CACNA1E: variants seen among roughly 807,000 people sequenced by gnomAD.
CACNA1E encodes voltage-dependent R-type calcium channel subunit alpha-1E.
In CACNA1E, 40 loss-of-function variants were observed where a neutral mutation model predicts 259.2. The ratio of observed to expected loss-of-function variants is 0.15; its 90% CI spans 0.12 to 0.20. CACNA1E has a LOEUF of 0.20. Among genes scored for constraint, CACNA1E ranks in the 10% least tolerant of loss-of-function variants. The pLI is 1.00. For missense variants in CACNA1E, 1,874 were observed against 3,040.1 expected, an observed-to-expected ratio of 0.62 and a Z score of 9.02; for synonymous variants, 1,104 against 1,138.5, an observed-to-expected ratio of 0.97 and a Z score of 0.61.
intron 1 of CACNA1E, among the ~76,000 whole-genome samples, chr1:181,330,972 G>C (rs940056140): frequency 6.6e-6 from 1 of 152,194 alleles, no homozygotes; most frequent in African/African-American, 2.4e-5. Flanking sequence ...TGGGAAGGGA[G>C]GAGGGCAGGG....
chr1:181,719,920 TG>T, intron 13 of CACNA1E, 57 bp downstream of exon 13: 4 of 1,013,682 alleles, frequency 3.9e-6, no homozygotes, highest in Non-Finnish European at 6.0e-6. Flanking sequence ...ACCTTTTTTC[TG>T]CCTTATATTT....
In CACNA1E at chr1:181,425,426, C is replaced by T. The variant is rs550717967; in HGVS notation, c.434+11846C>T. Among the ~76,000 whole-genome samples the T allele has an allele frequency of 2.6e-5, 4 of 152,188 alleles. No individual in the cohort carries two copies. In the East Asian group the frequency reaches 7.7e-4, roughly 29 times the overall value. ...GTGAGGGGATGGGTGAAGACACGTG[C>T]AGAAAAGGAAGTGCTCATTGTGGAG... On this transcript the variant is annotated intron_variant, in intron 2 of 11. Transcript: ENST00000524607.
In CACNA1E at chr1:181,664,968, C is replaced by T. The variant is rs368751482; in HGVS notation, c.1055+13527C>T. 1.6e-4 allele frequency among the ~76,000 whole-genome samples: 24 copies of T among 152,254 alleles called. No homozygotes were observed. In the South Asian group the frequency reaches 3.5e-3, roughly 22 times the overall value. On this transcript the variant is annotated intron_variant, in intron 7 of 47. Coordinates refer to ENST00000367573, the MANE Select transcript of CACNA1E (RefSeq NM_001205293.3). Reference sequence around the variant, plus strand: ...ATTAGATTGGGACTTCATTAGGTGCCTTTTTGGATATGAAGACAATAACCA... The same window carrying T: ...ATTAGATTGGGACTTCATTAGGTGCTTTTTTGGATATGAAGACAATAACCA...
In CACNA1E at chr1:181,789,648, T is replaced by C. The variant is rs574071048; in HGVS notation, c.5787-797T>C. On this transcript the variant is annotated intron_variant, in intron 43 of 47. Coordinates refer to ENST00000367573, the MANE Select transcript of CACNA1E (RefSeq NM_001205293.3). ...AGCCAATAATTTGGCAACAGGCACC[T>C]CATTCTCCAGAAAGCTTGGCTGCTT... 8.5e-5 allele frequency among the ~76,000 whole-genome samples: 13 copies of C among 152,322 alleles called. No individual in the cohort carries two copies. The East Asian group carries it at 2.5e-3, about 29-fold the overall frequency.
Position 181,369,550 on chromosome 1 carries a change from C to T in CACNA1E, c.-14-43583C>T, listed in dbSNP as rs535446465. Reference sequence around the variant, plus strand: ...ATACATAGGCCTCAAAGGTGGGGACCGCATACCAGGAGACATTTTTTTAGC... The same window carrying T: ...ATACATAGGCCTCAAAGGTGGGGACTGCATACCAGGAGACATTTTTTTAGC... On this transcript the variant is annotated intron_variant, in intron 1 of 11. Coordinates refer to the CACNA1E transcript ENST00000524607. Among the ~76,000 whole-genome samples, 271 of 152,260 alleles carry T rather than the reference C, an allele frequency of 1.8e-3. 1 individual carries two copies. Among genetic ancestry groups the T allele is most frequent in the African/African-American group, 6.2e-3 (256 of 41,536 alleles).
intron 6 of CACNA1E, among the ~76,000 whole-genome samples, chr1:181,622,848 G>T (rs749704934): frequency 3.3e-5 from 5 of 152,120 alleles, no homozygotes; most frequent in Non-Finnish European, 7.3e-5. Context: ...GGATCCAGAA[G>T]ATGCAAGGGA....
chr1:181,590,671 C>G (rs1214736795), intron 6 of CACNA1E, among the ~76,000 whole-genome samples: 1 of 152,038 alleles, frequency 6.6e-6, no homozygotes, highest in East Asian at 1.9e-4. Flanking sequence ...TTCCTCACCC[C>G]AGGAGCTGGT....
At chr1:181,650,639 T>C (rs1658672281) in intron 6 of CACNA1E, among the ~76,000 whole-genome samples, 1 of 152,242 alleles carries the variant, frequency 6.6e-6, no homozygotes, top group African/African-American at 2.4e-5. Flanking sequence ...TCTTCCTCAA[T>C]CCCTGACCAT....
At chr1:181,532,325 A>T (rs1667847700) in intron 3 of CACNA1E, among the ~76,000 whole-genome samples, 1 of 152,186 alleles carries the variant, frequency 6.6e-6, no homozygotes. Flanking sequence ...TTCCTGGACA[A>T]TTAGCAAAGT....
At chr1:181,708,667 T>C (rs1007597691) in intron 7 of CACNA1E, among the ~76,000 whole-genome samples, 23 of 152,220 alleles carry the variant, frequency 1.5e-4, no homozygotes, top group African/African-American at 4.8e-4. Flanking sequence ...ATGAAGGACT[T>C]GGGCTCTTAC....
At position 181,776,553 on chromosome 1, in the gene CACNA1E, C is replaced by A. The variant is rs1419466117; in HGVS notation, c.5267+325C>A. Among the ~76,000 whole-genome samples, 1 of 152,222 alleles carries A rather than the reference C, an allele frequency of 6.6e-6. No individual in the cohort carries two copies. The highest frequency in any genetic ancestry group is 2.4e-5 in the African/African-American group (1 of 41,458). The stretch of plus-strand genomic sequence containing the variant: ...TTTTTCTGCCAATGGTTAGTGGACT[C>A]CTTTGAGTTATCAGGGGGTTTGACA... On this transcript the variant is annotated intron_variant, in intron 38 of 47. Coordinates refer to ENST00000367573, the MANE Select transcript of CACNA1E (RefSeq NM_001205293.3). The surrounding 1 kb of genome is among the most constrained non-coding windows in gnomAD (Gnocchi z 4.4).
At chr1:181,480,201 T>A (rs906293408), upstream of CACNA1E, among the ~76,000 whole-genome samples, 2 of 152,158 alleles carry the variant, frequency 1.3e-5, no homozygotes, top group African/African-American at 2.4e-5. Flanking sequence ...TAGAAATTCA[T>A]AGATCTCAAA....
chr1:181,729,546 A>G (rs760600835), intron 18 of CACNA1E, among the ~76,000 whole-genome samples: 1 of 152,224 alleles, frequency 6.6e-6, no homozygotes, highest in Non-Finnish European at 1.5e-5. Context: ...CCTCAGAGAG[A>G]AAACCACTCC....
chr1:181,532,266 C>T lies in CACNA1E; in HGVS notation c.512+20756C>T, dbSNP rs750879599. On this transcript the variant is annotated intron_variant, in intron 3 of 47. Transcript: ENST00000367573. ...ATGTGTTAATACAGTCAGTTGTTTG[C>T]ATGACACAGATTTCTTTTCAATCAG... Among the ~76,000 whole-genome samples, 108 of 152,220 alleles carry T rather than the reference C, an allele frequency of 7.1e-4. 2 individuals are homozygous for T. Among genetic ancestry groups the T allele is most frequent in the Non-Finnish European group, 8.8e-5 (6 of 68,038 alleles).
At chr1:181,384,005 G>A (rs1240073297) in intron 1 of CACNA1E, among the ~76,000 whole-genome samples, 2 of 152,226 alleles carry the variant, frequency 1.3e-5, no homozygotes, top group African/African-American at 2.4e-5. Flanking sequence ...TGTGCTCACT[G>A]AGCGCTGGAA....
chr1:181,612,284 A>G (rs577650683), intron 6 of CACNA1E, among the ~76,000 whole-genome samples: 1 of 152,326 alleles, frequency 6.6e-6, no homozygotes, highest in South Asian at 2.1e-4. Flanking sequence ...GCCACTGACT[A>G]TCTCAGTCAC....
At chr1:181,679,133 G>A (rs924575750) in intron 7 of CACNA1E, among the ~76,000 whole-genome samples, 5 of 152,180 alleles carry the variant, frequency 3.3e-5, no homozygotes, top group African/African-American at 1.2e-4. Context: ...TAATAGATAG[G>A]GAGTAGAGTT....
intron 8 of CACNA1E, among the ~76,000 whole-genome samples, chr1:181,712,889 A>G (rs556409842): frequency 6.6e-6 from 1 of 152,282 alleles, no homozygotes; most frequent in African/African-American, 2.4e-5. Context: ...GTGGCAGGGT[A>G]TGCTGCTCGC....
chr1:181,613,825 A>C (rs1363057436), intron 6 of CACNA1E, among the ~76,000 whole-genome samples: 1 of 152,092 alleles, frequency 6.6e-6, no homozygotes, highest in Non-Finnish European at 1.5e-5. Context: ...AAAACCACTT[A>C]AGGTAGACAT....
Sources: allele counts gnomAD v4.1 joint callset (sites outside exome capture counted in the v4.1 genomes callset), GRCh38; gene constraint gnomAD v4.1.1; non-coding constraint Gnocchi (gnomAD v3.1); transcripts MANE v1.5; gene names NCBI Gene and HGNC (gene_info 2026-07-23, HGNC 2026-07-21).